YARS1: variants seen among roughly 807,000 people sequenced by gnomAD.
YARS1 encodes the protein tyrosyl-tRNA synthetase 1, also known as tyrosine--tRNA ligase, cytoplasmic.
Under a neutral mutation model 62.2 loss-of-function variants are expected in YARS1, and 36 were observed. The ratio of observed to expected loss-of-function variants is 0.58; its 90% CI spans 0.44 to 0.76. YARS1 has a LOEUF of 0.76. Ranked by LOEUF, YARS1 falls within the 30% of genes least tolerant of loss-of-function variation. The pLI, the probability that YARS1 is intolerant of heterozygous loss-of-function variation, is 0.00. For missense variants in YARS1, 524 were observed against 639.8 expected, an observed-to-expected ratio of 0.82 and a Z score of 1.95; for synonymous variants, 234 against 244.9, an observed-to-expected ratio of 0.96 and a Z score of 0.42.
At chr1:32,797,874 C>T in intron 4 of YARS1, 31 bp from the exon 5 acceptor site, 1 of 1,594,448 alleles carries the variant, frequency 6.3e-7, no homozygotes, top group Non-Finnish European at 8.6e-7. Flanking sequence ...ACATAAACAT[C>T]TACTTTATTT....
Position 32,817,200 on chromosome 1 carries a change from G to A in YARS1, c.45C>T (p.Thr15=), listed in dbSNP as rs1488727812. The change falls in exon 1 of 13, where the codon ACC becomes ACT. Residue 15 remains threonine, a synonymous_variant. Coordinates refer to ENST00000373477, the MANE Select transcript of YARS1 (RefSeq NM_003680.4). ...CCCCAGGCCTGACCTGCAGGTTCCGGGTGATAAGGTGCAGTTTCTCTTCAG... is the reference window on the plus strand; with the variant it reads ...CCCCAGGCCTGACCTGCAGGTTCCGAGTGATAAGGTGCAGTTTCTCTTCAG... ...PSPEEKLHLI[T]RNLQEVLGEE... is the part of the protein sequence containing the mutation. 4 of 1,614,064 alleles carry A rather than the reference G, an allele frequency of 2.5e-6. No individual in the cohort carries two copies. The highest frequency in any genetic ancestry group is 3.4e-6 in the Non-Finnish European group (4 of 1,180,026).
intron 3 of YARS1, among the ~76,000 whole-genome samples, chr1:32,808,375 C>T (rs1429978075): frequency 6.6e-6 from 1 of 151,858 alleles, no homozygotes; most frequent in Non-Finnish European, 1.5e-5. Context: ...TGCACCACCA[C>T]ACCTGGCTAA....
At chr1:32,780,011 G>T in intron 11 of YARS1, 74 bp downstream of exon 11, 1 of 1,569,410 alleles carries the variant, frequency 6.4e-7, no homozygotes, top group Non-Finnish European at 8.8e-7. Context: ...TGTGTGGAAG[G>T]ACATCATATG....
At chr1:32,808,337 A>G (rs545211032) in intron 3 of YARS1, among the ~76,000 whole-genome samples, 2 of 151,386 alleles carry the variant, frequency 1.3e-5, no homozygotes, top group South Asian at 4.2e-4. Context: ...ATCCTGCCTC[A>G]GCCTCCTGAG....
At chr1:32,810,550 A>C in intron 3 of YARS1, 41 bp downstream of exon 3, 1 of 1,611,826 alleles carries the variant, frequency 6.2e-7, no homozygotes, top group Non-Finnish European at 8.5e-7. Flanking sequence ...ATTAGCTAGA[A>C]GCACCAGAGC....
In YARS1 at chr1:32,782,450, G is replaced by A. The variant is rs1003798493; in HGVS notation, c.996C>T (p.Ala332=). 5 of 1,614,054 alleles carry A rather than the reference G, an allele frequency of 3.1e-6. No homozygotes were observed. Among genetic ancestry groups the A allele is most frequent in the South Asian group, 1.1e-5 (1 of 91,082 alleles). ...AGGCAGCGCTGGCCAGTTTTTTCAG[G>A]GCAGGGGTATTAAACTTTTCCCGGA... The part of the protein sequence containing the change: ...DPIREKFNTP[A]LKKLASAAYP... Residue 332 remains alanine (A), a synonymous_variant, in exon 9 of 13, where the codon GCC becomes GCT. Transcript: ENST00000373477.
At chr1:32,798,689 G>A (rs1018543996) in intron 4 of YARS1, among the ~76,000 whole-genome samples, 1 of 152,168 alleles carries the variant, frequency 6.6e-6, no homozygotes, top group Non-Finnish European at 1.5e-5. Flanking sequence ...AAGTGTGATG[G>A]TGCGCATCTA....
Position 32,789,043 on chromosome 1 carries a change from C to T in YARS1, c.685-1968G>A, listed in dbSNP as rs567627064. On this transcript the variant is annotated intron_variant, in intron 6 of 12. Transcript: ENST00000373477. ...ATTTTATCATGTTGCCAAGGCTGGTCTTGAACTCCTGGACTCAACCTATCT... is the reference window on the plus strand; with the variant it reads ...ATTTTATCATGTTGCCAAGGCTGGTTTTGAACTCCTGGACTCAACCTATCT... Among the ~76,000 whole-genome samples, 17 of 152,250 alleles carry T rather than the reference C, an allele frequency of 1.1e-4. No homozygotes were observed. In the East Asian group the frequency reaches 3.3e-3, roughly 29 times the overall value.
At position 32,775,966 on chromosome 1, in the gene YARS1, A is replaced by T. The variant is rs1249827285; in HGVS notation, c.*15T>A. Reference sequence around the variant, plus strand: ...TGACTCAGTGGTGGAAGAAGGGGGGAAGATGCTGGGCTGGCTAGCTAATGT... The same window carrying T: ...TGACTCAGTGGTGGAAGAAGGGGGGTAGATGCTGGGCTGGCTAGCTAATGT... On this transcript the variant is annotated 3_prime_UTR_variant, in exon 13 of 13. Coordinates refer to ENST00000373477, the MANE Select transcript of YARS1 (RefSeq NM_003680.4). The T allele has an allele frequency of 6.2e-7, 1 of 1,600,082 alleles. No homozygotes were observed. The highest frequency in any genetic ancestry group is 8.6e-7 in the Non-Finnish European group (1 of 1,167,464).
Position 32,782,557 on chromosome 1 carries a change from A to C in YARS1, c.907-18T>G. 6.2e-7 allele frequency: 1 copy of C among 1,614,116 alleles called. No individual in the cohort carries two copies. The highest frequency in any genetic ancestry group is 8.5e-7 in the Non-Finnish European group (1 of 1,180,024). ...TGTACAACCTGCAGAATCGAACAAG[A>C]CCTAGTGAGATAAAGTCTAGAACAG... On this transcript the variant is annotated intron_variant, in intron 8 of 12. Coordinates refer to ENST00000373477, the MANE Select transcript of YARS1 (RefSeq NM_003680.4).
At chr1:32,816,785 C>T (rs566444536) in intron 1 of YARS1, 10 of 222,686 alleles carry the variant, frequency 4.5e-5, no homozygotes, top group Admixed American at 3.1e-4. Context: ...CCCTTTAAAG[C>T]TCCCAGTATA....
chr1:32,816,790 A>C (rs1263832166), intron 1 of YARS1: 2 of 241,410 alleles, frequency 8.3e-6, no homozygotes, highest in Admixed American at 1.0e-4. Flanking sequence ...TAAAGCTCCC[A>C]GTATAGCATC....
At chr1:32,801,949 T>C (rs1569756574) in intron 4 of YARS1, among the ~76,000 whole-genome samples, 1 of 139,984 alleles carries the variant, frequency 7.1e-6, no homozygotes, top group South Asian at 2.4e-4. Flanking sequence ...TTTCTTTTTT[T>C]TTTTTTTTTT....
At position 32,806,105 on chromosome 1, in the gene YARS1, G is replaced by A. The variant is rs369068575; in HGVS notation, c.510+377C>T. On this transcript the variant is annotated intron_variant, in intron 4 of 12. Coordinates refer to ENST00000373477, the MANE Select transcript of YARS1 (RefSeq NM_003680.4). Reference sequence around the variant, plus strand: ...GGCCAGGAGAGTGAGGAAATGGCTGGATGGTAGAGTAGTCAGAACACACAC... The same window carrying A: ...GGCCAGGAGAGTGAGGAAATGGCTGAATGGTAGAGTAGTCAGAACACACAC... Among the ~76,000 whole-genome samples, 9 of 152,318 alleles carry A rather than the reference G, an allele frequency of 5.9e-5. No individual in the cohort carries two copies. In the East Asian group the frequency reaches 1.5e-3, roughly 26 times the overall value.
At chr1:32,786,323 C>G (rs976861507) in intron 8 of YARS1, 39 bp downstream of exon 8, 2 of 1,595,864 alleles carry the variant, frequency 1.3e-6, no homozygotes, top group Non-Finnish European at 1.7e-6. Context: ...TAACAAAATA[C>G]AGATCTTCAT....
rs770035981 is a variant in YARS1 at position 32,787,021 on chromosome 1, T to C, written c.739A>G (p.Lys247Glu). ...RKEDVKKKLKKAFCEPGNVEN... is the reference protein window; with the variant it reads ...RKEDVKKKLKEAFCEPGNVEN... ...ACATTTCCTGGCTCACAGAAGGCCT[T>C]CTTCAGTTTTTTCTTCACATCCTCC... Residue 247 changes from lysine to glutamate, a missense_variant, in exon 7 of 13, where the codon AAG (lysine) becomes GAG (glutamate). Physicochemically the swap from Lys to Glu is moderately conservative, Grantham distance 56 (BLOSUM62 1). Transcript: ENST00000373477. The C allele has an allele frequency of 4.5e-5, 72 of 1,614,102 alleles. No homozygotes were observed. The highest frequency in any genetic ancestry group is 5.8e-5 in the Non-Finnish European group (68 of 1,180,044).
chr1:32,813,952 G>C (rs766889716), intron 1 of YARS1, among the ~76,000 whole-genome samples: 5 of 151,726 alleles, frequency 3.3e-5, no homozygotes, highest in Non-Finnish European at 5.9e-5. Context: ...ATTTTTCCTA[G>C]TCATTAAATA....
rs1653645035 is a variant in YARS1 at position 32,797,518 on chromosome 1, C to T, written c.591+245G>A. The T allele has an allele frequency of 5.3e-6, 3 of 562,958 alleles. No homozygotes were observed. In the South Asian group the frequency reaches 6.3e-5, roughly 12 times the overall value. 34.9% of individuals were successfully genotyped at this position (562,958 alleles called of 1,614,324 possible). A position where few individuals can be genotyped will look rare whatever the true frequency, so the allele number is the denominator to read the frequency against. ...ATCCAACAGGTGCGGGAGCAGCTTCCTGGTTGTCACCAGGCACATGGGCTC... is the reference window on the plus strand; with the variant it reads ...ATCCAACAGGTGCGGGAGCAGCTTCTTGGTTGTCACCAGGCACATGGGCTC... On this transcript the variant is annotated intron_variant, in intron 5 of 12. Coordinates refer to ENST00000373477, the MANE Select transcript of YARS1 (RefSeq NM_003680.4).
At chr1:32,805,259 G>A (rs1269176134) in intron 4 of YARS1, among the ~76,000 whole-genome samples, 6 of 133,348 alleles carry the variant, frequency 4.5e-5, no homozygotes, top group African/African-American at 1.9e-4. Context: ...GAGAGGGGGA[G>A]AGGGGGAGAG....
Sources: gnomAD v4.1 joint callset for allele counts (sites outside exome capture counted in the v4.1 genomes callset) on GRCh38, gnomAD v4.1.1 for gene constraint, MANE v1.5 for transcripts, NCBI Gene and HGNC (gene_info 2026-07-23, HGNC 2026-07-21) for gene names.